The following ASB2 variants were observed in gnomAD, a reference collection of about 807,000 sequenced individuals.
The protein encoded by ASB2 is ankyrin repeat and SOCS box containing 2, also known as ankyrin repeat and SOCS box protein 2.
A neutral mutation model predicts 62.4 loss-of-function variants in ASB2; 58 were observed. The observed-to-expected ratio is 0.93, with a 90% CI of 0.75 to 1.16. The LOEUF (loss-of-function observed/expected upper bound fraction) is 1.16, where lower values mean the gene tolerates loss of function less well. Ranked by LOEUF, ASB2 falls within the 50% of genes most tolerant of loss-of-function variation. The probability of loss-of-function intolerance (pLI) is 0.00; values close to 1 mark genes in which losing one functional copy is unlikely to be tolerated. For synonymous variants in ASB2, 386 were observed against 385.3 expected, an observed-to-expected ratio of 1.00 and a Z score of -0.02; for missense variants, 928 against 887.9, an observed-to-expected ratio of 1.05 and a Z score of -0.57.
At chr14:93,946,370 C>T (rs1888722366) in intron 7 of ASB2, among the ~76,000 whole-genome samples, 1 of 152,246 alleles carries the variant, frequency 6.6e-6, no homozygotes, top group African/African-American at 2.4e-5. Context: ...GGAGCTTCAC[C>T]TCTGCGGCCC....
At chr14:93,942,160 AC>A (rs1490203055) in intron 7 of ASB2, 7 of 455,520 alleles carry the variant, frequency 1.5e-5, no homozygotes, top group South Asian at 1.1e-4. Flanking sequence ...CAAGGGGGTG[AC>A]CCCACCAAAC....
At chr14:93,958,229 G>A (rs937689578) in intron 2 of ASB2, among the ~76,000 whole-genome samples, 3 of 152,192 alleles carry the variant, frequency 2.0e-5, no homozygotes, top group Non-Finnish European at 1.5e-5. Flanking sequence ...CACTGGGGTG[G>A]GCAGGACACC....
At chr14:93,965,227 C>G (rs1239898722) in intron 1 of ASB2, among the ~76,000 whole-genome samples, 1 of 152,224 alleles carries the variant, frequency 6.6e-6, no homozygotes, top group Non-Finnish European at 1.5e-5. Flanking sequence ...TTTATGCTCA[C>G]TTGTTGAGCA....
rs1431791116 is a variant in ASB2, at chr14:93,934,405, G to GCTC, written c.*250_*251insGAG. ...AATAGAGGTTTCTGCCATTCCTGAA[G>GCTC]GTAGAGAAGGTCTGGGATCTGCTCA... On this transcript the variant is annotated 3_prime_UTR_variant, in exon 10 of 10. Transcript: ENST00000555019. 1.2e-5 allele frequency: 6 copies of GCTC among 507,976 alleles called. No individual in the cohort carries two copies. The highest frequency in any genetic ancestry group is 2.1e-5 in the Non-Finnish European group (6 of 279,848). The allele number at this position is 507,976 out of a possible 1,614,324, so 31.5% of individuals were successfully genotyped here.
intron 7 of ASB2, 74 bp downstream of exon 7, chr14:93,947,275 C>T: frequency 1.3e-6 from 2 of 1,536,368 alleles, no homozygotes; most frequent in Non-Finnish European, 1.8e-6. Context: ...CAGGGCAGGC[C>T]CACCCCTCCA....
At chr14:93,961,635 G>A (rs1197802262) in intron 2 of ASB2, among the ~76,000 whole-genome samples, 1 of 152,240 alleles carries the variant, frequency 6.6e-6, no homozygotes, top group Non-Finnish European at 1.5e-5. Context: ...AGAAGGAGCT[G>A]CTATGTGGAT....
At chr14:93,972,268 A>G (rs1889777887) in intron 1 of ASB2, among the ~76,000 whole-genome samples, 2 of 151,686 alleles carry the variant, frequency 1.3e-5, no homozygotes, top group Admixed American at 1.3e-4. Context: ...TTCTGCCAAA[A>G]CTTATCTTTC....
chr14:93,947,296 C>G (rs1409669149), intron 7 of ASB2, 53 bp downstream of exon 7: 1 of 1,597,368 alleles, frequency 6.3e-7, no homozygotes, highest in Non-Finnish European at 8.6e-7. Context: ...ATCCCCTACT[C>G]CCAGTGTGGG....
At chr14:93,966,635 C>T (rs998903609) in intron 1 of ASB2, among the ~76,000 whole-genome samples, 2 of 152,246 alleles carry the variant, frequency 1.3e-5, no homozygotes, top group African/African-American at 2.4e-5. Context: ...TGGGTCCGCC[C>T]ACCCTAGCCT....
chr14:93,969,188 C>T lies in ASB2; in HGVS notation c.-73-4576G>A, dbSNP rs559651112. Among the ~76,000 whole-genome samples, 6 of 152,292 alleles carry T rather than the reference C, an allele frequency of 3.9e-5. No individual in the cohort carries two copies. In the South Asian group the frequency reaches 8.3e-4, roughly 21 times the overall value. On this transcript the variant is annotated intron_variant, in intron 1 of 9. Coordinates refer to ENST00000555019, the MANE Select transcript of ASB2 (RefSeq NM_001202429.2). ...TGGCTGTTAGTAAGTGTGCAATGCACGGGCCGCTTCAGGACAGGAAACTCC... is the reference window on the plus strand; with the variant it reads ...TGGCTGTTAGTAAGTGTGCAATGCATGGGCCGCTTCAGGACAGGAAACTCC...
At chr14:93,948,134 A>G (rs986649386) in intron 6 of ASB2, 9 of 154,532 alleles carry the variant, frequency 5.8e-5, no homozygotes, top group African/African-American at 1.7e-4. Flanking sequence ...TCCACAGGCT[A>G]TATCTGAATC....
At chr14:93,936,664 G>C (rs903116960) in intron 9 of ASB2, among the ~76,000 whole-genome samples, 1 of 152,224 alleles carries the variant, frequency 6.6e-6, no homozygotes, top group African/African-American at 2.4e-5. Context: ...GGGTTCACAG[G>C]GGTGTGGGGA....
At chr14:93,941,287 G>T in intron 7 of ASB2, 1 of 249,652 alleles carries the variant, frequency 4.0e-6, no homozygotes, top group Non-Finnish European at 7.8e-6. Context: ...TGACCTCACA[G>T]CCTCCTGTGG....
In ASB2 at chr14:93,934,533, G is replaced by A. The variant is rs1888199542; in HGVS notation, c.*123C>T. ...CAGTGAGATCCTGGTAGCTGTCCAG[G>A]CTGAGAGGGAGGCAGCCTGCAGCCT... On this transcript the variant is annotated 3_prime_UTR_variant, in exon 10 of 10. Transcript: ENST00000555019. 4.2e-6 allele frequency: 4 copies of A among 952,494 alleles called. No homozygotes were observed. The highest frequency in any genetic ancestry group is 4.0e-5 in the Admixed American group (2 of 50,334). 59.0% of individuals were successfully genotyped at this position (952,494 alleles called of 1,614,324 possible).
chr14:93,952,511 A>G (rs1003574871), intron 5 of ASB2, among the ~76,000 whole-genome samples: 4 of 152,240 alleles, frequency 2.6e-5, no homozygotes, highest in African/African-American at 9.6e-5. Flanking sequence ...TCCAAGTACA[A>G]AGGCCTGATC....
At chr14:93,973,278 C>G (rs1260367943) in intron 1 of ASB2, among the ~76,000 whole-genome samples, 1 of 152,226 alleles carries the variant, frequency 6.6e-6, no homozygotes, top group African/African-American at 2.4e-5. Flanking sequence ...AATGGAGCGC[C>G]TCTTGCTGAT....
chr14:93,958,120 GGGCTGCCTGCAGGCCT>G (rs1262779416), intron 2 of ASB2, among the ~76,000 whole-genome samples: 1 of 152,156 alleles, frequency 6.6e-6, no homozygotes, highest in Non-Finnish European at 1.5e-5. Context: ...CATGCTCTCA[GGGCTGCCTGCAGGCCT>G]GGCTGCCTTC....
chr14:93,967,473 C>T (rs566286654), intron 1 of ASB2, among the ~76,000 whole-genome samples: 1 of 152,368 alleles, frequency 6.6e-6, no homozygotes, highest in Admixed American at 6.5e-5. Flanking sequence ...GTGCCACCAT[C>T]TAAAGGTGTC....
At chr14:93,961,926 A>G (rs943588539) in intron 2 of ASB2, among the ~76,000 whole-genome samples, 1 of 152,090 alleles carries the variant, frequency 6.6e-6, no homozygotes, top group African/African-American at 2.4e-5. Flanking sequence ...TGAACTTCAG[A>G]GCGGGACAGA....
Sources: allele counts gnomAD v4.1 joint callset (sites outside exome capture counted in the v4.1 genomes callset), GRCh38; gene constraint gnomAD v4.1.1; transcripts MANE v1.5; gene names NCBI Gene and HGNC (gene_info 2026-07-23, HGNC 2026-07-21).